Variants in TRIM61 observed in about 807,000 individuals in gnomAD.
The protein encoded by TRIM61 is putative tripartite motif-containing protein 61.
A neutral mutation model predicts 14.2 loss-of-function variants in TRIM61; 1 was observed. That is an observed-to-expected ratio of 0.07 (90% CI 0.03 to 0.33). The LOEUF is 0.33. Among genes scored for constraint, TRIM61 ranks in the 10% least tolerant of loss-of-function variants. The probability of loss-of-function intolerance (pLI) is 0.99; values close to 1 mark genes in which losing one functional copy is unlikely to be tolerated. For synonymous variants in TRIM61, 8 were observed against 71.6 expected (o/e 0.11, Z 4.49); for missense variants, 19 against 202.2 (o/e 0.09, Z 5.49).
At chr4:164,968,817 T>C in intron 3 of TRIM61, 1 of 980,648 alleles carries the variant, frequency 1.0e-6, no homozygotes. Flanking sequence ...ACAATATAAT[T>C]ATTCTGACTA....
chr4:164,956,954 AC>A, intron 3 of TRIM61: 1 of 1,407,616 alleles, frequency 7.1e-7, no homozygotes, highest in East Asian at 2.5e-5. Context: ...CTGGGCTTCG[AC>A]TTCCGGGTGA....
At chr4:164,967,802 C>T (rs767084241) in intron 3 of TRIM61, among the ~76,000 whole-genome samples, 1 of 151,154 alleles carries the variant, frequency 6.6e-6, no homozygotes. Flanking sequence ...AAGTTCAACA[C>T]CACGCTGGGC....
intron 2 of TRIM61, among the ~76,000 whole-genome samples, chr4:164,972,624 G>A (rs534765135): frequency 6.6e-4 from 100 of 152,278 alleles, no homozygotes; most frequent in African/African-American, 2.4e-3. Flanking sequence ...GAGTAGCTGG[G>A]CCTACAGGCG....
intron 3 of TRIM61, 106 bp downstream of exon 3, chr4:164,968,175 A>C: frequency 1.0e-6 from 1 of 985,114 alleles, no homozygotes; most frequent in East Asian, 1.1e-4. Context: ...AAAAGAAAAG[A>C]AAAGAAAAAG....
intron 3 of TRIM61, among the ~76,000 whole-genome samples, chr4:164,965,557 C>G (rs1261852260): frequency 6.6e-6 from 1 of 151,176 alleles, no homozygotes; most frequent in Non-Finnish European, 1.5e-5. Flanking sequence ...CCTCAGCCTC[C>G]CGAGTAGCTG....
At chr4:164,971,333 T>G (rs13144590) in intron 2 of TRIM61, among the ~76,000 whole-genome samples, 1 of 152,026 alleles carries the variant, frequency 6.6e-6, no homozygotes, top group Non-Finnish European at 1.5e-5. Flanking sequence ...GGCTCACGCC[T>G]GTAATCCCAG....
intron 2 of TRIM61, among the ~76,000 whole-genome samples, chr4:164,975,589 G>A (rs1488338905): frequency 6.6e-6 from 1 of 152,208 alleles, no homozygotes; most frequent in Non-Finnish European, 1.5e-5. Context: ...TGTGCAGGAC[G>A]TGCCTTGTTA....
intron 3 of TRIM61, among the ~76,000 whole-genome samples, chr4:164,967,409 T>C (rs1161904330): frequency 6.6e-6 from 1 of 152,108 alleles, no homozygotes; most frequent in Non-Finnish European, 1.5e-5. Flanking sequence ...AATTCCTGAA[T>C]TAACAGAATA....
chr4:164,965,735 A>C (rs927592269), intron 3 of TRIM61, among the ~76,000 whole-genome samples: 3 of 151,564 alleles, frequency 2.0e-5, no homozygotes, highest in African/African-American at 7.2e-5. Flanking sequence ...GCCCGGCCTT[A>C]ATGTATTTCA....
chr4:164,968,560 G>A (rs1423803100), intron 3 of TRIM61: 1 of 985,736 alleles, frequency 1.0e-6, no homozygotes, highest in East Asian at 1.1e-4. Context: ...TGTCTACTAG[G>A]TGAAAGAAAC....
Position 164,955,055 on chromosome 4 carries a change from C to T in TRIM61, c.567G>A (p.Thr189=), listed in dbSNP as rs1171388471. ...GGCGGAGGTTGAAGTGAGCCGAGAT[C>T]GTGCAACTGCACTCCAGCCTGGTGA... Residue 189 remains threonine (T), a synonymous_variant, in exon 4 of 5, where the codon ACG becomes ACA. Transcript: ENST00000329314. 1 of 213,338 alleles carries T rather than the reference C, an allele frequency of 4.7e-6. No homozygotes were observed. Among genetic ancestry groups the T allele is most frequent in the Non-Finnish European group, 9.7e-6 (1 of 102,880 alleles). 13.2% of individuals were successfully genotyped at this position (213,338 alleles called of 1,614,324 possible). A position where few individuals can be genotyped will look rare whatever the true frequency, so the allele number is the denominator to read the frequency against.
intron 2 of TRIM61, among the ~76,000 whole-genome samples, chr4:164,974,753 G>A (rs1338641961): frequency 2.0e-5 from 3 of 152,028 alleles, no homozygotes; most frequent in East Asian, 3.9e-4. Flanking sequence ...AAAGAATACT[G>A]TCTCTTACAA....
chr4:164,971,442 T>G (rs1001615547), intron 2 of TRIM61, among the ~76,000 whole-genome samples: 1 of 151,716 alleles, frequency 6.6e-6, no homozygotes, highest in Admixed American at 6.6e-5. Flanking sequence ...AAACACAGAA[T>G]TAGCTGGGTG....
intron 3 of TRIM61, among the ~76,000 whole-genome samples, chr4:164,955,568 C>CAAAAAAA (rs10716862): frequency 3.9e-5 from 3 of 77,236 alleles, no homozygotes; most frequent in Admixed American, 1.5e-4. Context: ...GATTCAGTCT[C>CAAAAAAA]AAAAAAAAAA....
intron 3 of TRIM61, among the ~76,000 whole-genome samples, chr4:164,955,580 A>C (rs894451403): frequency 2.6e-5 from 4 of 151,906 alleles, no homozygotes; most frequent in East Asian, 1.9e-4. Flanking sequence ...AAAAAAAAAA[A>C]AAAAAAAAAA....
At chr4:164,957,072 C>T (rs1732011190) in intron 3 of TRIM61, 2 of 1,536,710 alleles carry the variant, frequency 1.3e-6, no homozygotes, top group Admixed American at 2.0e-5. Flanking sequence ...CTCCCCGGAC[C>T]CAGCGCCTGG....
chr4:164,963,221 G>A (rs770915962), intron 3 of TRIM61, among the ~76,000 whole-genome samples: 21 of 152,084 alleles, frequency 1.4e-4, no homozygotes, highest in Non-Finnish European at 2.9e-4. Context: ...TGCCAGCCTG[G>A]GCAATATAGT....
At chr4:164,966,094 TGA>T (rs1172431161) in intron 3 of TRIM61, among the ~76,000 whole-genome samples, 1 of 152,222 alleles carries the variant, frequency 6.6e-6, no homozygotes, top group Non-Finnish European at 1.5e-5. Context: ...GAAGGCTCCT[TGA>T]GAGTATTCTG....
chr4:164,972,113 A>G (rs1732380961), intron 2 of TRIM61, among the ~76,000 whole-genome samples: 5 of 152,224 alleles, frequency 3.3e-5, no homozygotes, highest in Admixed American at 3.3e-4. Context: ...CACAAGCAAA[A>G]GCTATCACAG....
Sources: gnomAD v4.1 joint callset for allele counts (sites outside exome capture counted in the v4.1 genomes callset) on GRCh38, gnomAD v4.1.1 for gene constraint, MANE v1.5 for transcripts, NCBI Gene and HGNC (gene_info 2026-07-23, HGNC 2026-07-21) for gene names.